GARRE1: variants seen among roughly 807,000 people sequenced by gnomAD.
GARRE1 encodes the protein granule associated Rac and RHOG effector protein 1.
In GARRE1, 49 loss-of-function variants were observed where a neutral mutation model predicts 103.2. The ratio of observed to expected loss-of-function variants is 0.47; its 90% CI spans 0.38 to 0.60. The LOEUF (loss-of-function observed/expected upper bound fraction) is 0.60, where lower values mean the gene tolerates loss of function less well. GARRE1 is among the 20% of genes least tolerant of loss of function. GARRE1 has a pLI of 0.00. For missense variants in GARRE1, 1,199 were observed against 1,370.5 expected (o/e 0.87, Z 1.98); for synonymous variants, 505 against 532.8 (o/e 0.95, Z 0.72).
chr19:34,342,542 C>G, intron 10 of GARRE1, 87 bp downstream of exon 10: 1 of 1,220,036 alleles, frequency 8.2e-7, no homozygotes, highest in Non-Finnish European at 1.2e-6. Flanking sequence ...TGCAGCCTTA[C>G]TTGTGAAGGT....
At chr19:34,284,234 C>G (rs1037738207) in intron 1 of GARRE1, among the ~76,000 whole-genome samples, 1 of 150,310 alleles carries the variant, frequency 6.7e-6, no homozygotes, top group South Asian at 2.1e-4. Context: ...AAGCGATTCT[C>G]CTGCCTCAGC....
chr19:34,289,026 C>T (rs2145229412), intron 1 of GARRE1, among the ~76,000 whole-genome samples: 1 of 151,878 alleles, frequency 6.6e-6, no homozygotes, highest in Admixed American at 6.6e-5. Context: ...CCCAGCTACT[C>T]AGGAGGCTGA....
In GARRE1 at chr19:34,301,493, G is replaced by A. The variant is rs1422728097; in HGVS notation, c.495+525G>A. ...TGCACTGCTGTACTCCAGCCTGGACGGCAGAGTGAGACCATGTCTCAAAAA... is the reference window on the plus strand; with the variant it reads ...TGCACTGCTGTACTCCAGCCTGGACAGCAGAGTGAGACCATGTCTCAAAAA... On this transcript the variant is annotated intron_variant, in intron 2 of 13. Transcript: ENST00000299505. Among the ~76,000 whole-genome samples the A allele has an allele frequency of 7.0e-5, 9 of 128,906 alleles. No individual in the cohort carries two copies. In the Admixed American group the frequency reaches 8.1e-4, roughly 12 times the overall value. 84.6% of individuals were successfully genotyped at this position (128,906 alleles called of 152,430 possible).
intron 8 of GARRE1, among the ~76,000 whole-genome samples, chr19:34,334,891 T>C (rs958782197): frequency 5.9e-5 from 9 of 151,808 alleles, no homozygotes; most frequent in Non-Finnish European, 1.2e-4. Context: ...CTGTCTCTAC[T>C]AAAAGTACAA....
rs537008497 is a variant in GARRE1 at position 34,276,863 on chromosome 19, T to TGG, written c.-796+22249_-796+22250insGG. ...TGAGAATCCAGCTGTGAACAAGCCA[T>TGG]TGCTGTCTTTAGGAGCTTATGTGCC... On this transcript the variant is annotated intron_variant, in intron 1 of 13. Transcript: ENST00000299505. Among the ~76,000 whole-genome samples, 1,009 of 152,330 alleles carry TGG rather than the reference T, an allele frequency of 6.6e-3. 13 individuals are homozygous for TGG. Among genetic ancestry groups the TGG allele is most frequent in the African/African-American group, 0.023 (966 of 41,576 alleles).
chr19:34,299,550 G>A (rs1361089332), intron 1 of GARRE1, 129 bp from the exon 2 acceptor site: 1 of 152,192 alleles, frequency 6.6e-6, no homozygotes, highest in Non-Finnish European at 1.5e-5. Flanking sequence ...TATTGTACCT[G>A]CTCCTCTAAG....
intron 1 of GARRE1, among the ~76,000 whole-genome samples, chr19:34,280,350 C>CT (rs1436417450): frequency 6.6e-6 from 1 of 152,202 alleles, no homozygotes; most frequent in Admixed American, 6.5e-5. Context: ...TTTTCATGTG[C>CT]TTATTAGCTG....
chr19:34,339,075 G>C (rs2074173893), intron 8 of GARRE1, among the ~76,000 whole-genome samples: 1 of 152,210 alleles, frequency 6.6e-6, no homozygotes, highest in Admixed American at 6.5e-5. Flanking sequence ...GAGGGAACTA[G>C]AGAGGGTGTG....
intron 2 of GARRE1, among the ~76,000 whole-genome samples, chr19:34,301,684 ATTT>A (rs766284048): frequency 7.1e-6 from 1 of 140,178 alleles, no homozygotes. Context: ...TTATTTGTGG[ATTT>A]TTTTTTTTTT....
intron 3 of GARRE1, among the ~76,000 whole-genome samples, chr19:34,322,316 C>T (rs373290748): frequency 4.5e-4 from 69 of 151,926 alleles, no homozygotes; most frequent in East Asian, 3.5e-3. Flanking sequence ...GGATTACAGG[C>T]GCGCACCACG....
intron 10 of GARRE1, 76 bp downstream of exon 10, chr19:34,342,531 C>A: frequency 1.5e-6 from 2 of 1,311,952 alleles, no homozygotes; most frequent in Non-Finnish European, 2.1e-6. Flanking sequence ...GGCCTGTCTG[C>A]TGCAGCCTTA....
At chr19:34,349,730 A>AG (rs2074227780) in intron 12 of GARRE1, among the ~76,000 whole-genome samples, 1 of 152,202 alleles carries the variant, frequency 6.6e-6, no homozygotes. Flanking sequence ...GAGGGCACGC[A>AG]GGGCTCCCAG....
In GARRE1 at chr19:34,347,140, G is replaced by A. The variant is rs1036404026; in HGVS notation, c.2522-737G>A. Reference sequence around the variant, plus strand: ...GTCTCACTCTTTCGCCCAGACTGGAGTGCAGTGGCACGATCTCAGCTCACT... The same window carrying A: ...GTCTCACTCTTTCGCCCAGACTGGAATGCAGTGGCACGATCTCAGCTCACT... On this transcript the variant is annotated intron_variant, in intron 10 of 13. Transcript: ENST00000299505. Among the ~76,000 whole-genome samples the A allele has an allele frequency of 2.7e-5, 4 of 150,806 alleles. No individual in the cohort carries two copies. The East Asian group carries it at 7.8e-4, about 29-fold the overall frequency.
intron 1 of GARRE1, among the ~76,000 whole-genome samples, chr19:34,287,108 C>T (rs1177347506): frequency 6.8e-6 from 1 of 147,174 alleles, no homozygotes; most frequent in Non-Finnish European, 1.5e-5. Flanking sequence ...CACTGCACTC[C>T]AGCCTGGGAG....
At chr19:34,299,104 G>C (rs747072544) in intron 1 of GARRE1, among the ~76,000 whole-genome samples, 4 of 152,182 alleles carry the variant, frequency 2.6e-5, no homozygotes, top group Non-Finnish European at 4.4e-5. Context: ...CTTGGTATCC[G>C]ACTGTCCCGT....
At chr19:34,290,875 T>C (rs966349871) in intron 1 of GARRE1, among the ~76,000 whole-genome samples, 437 of 5,278 alleles carry the variant, frequency 0.083, 2 homozygotes, top group African/African-American at 0.17. Context: ...AGCATATTGC[T>C]TTTTTTTTTT....
intron 4 of GARRE1, 83 bp from the exon 5 acceptor site, chr19:34,327,688 A>ATT (rs2074118190): frequency 6.7e-7 from 1 of 1,489,724 alleles, no homozygotes; most frequent in Non-Finnish European, 9.3e-7. Flanking sequence ...AGCTATAGAA[A>ATT]TTTAAGATTT....
chr19:34,268,679 G>A (rs962772354), intron 1 of GARRE1, among the ~76,000 whole-genome samples: 5 of 151,616 alleles, frequency 3.3e-5, no homozygotes, highest in Admixed American at 6.6e-5. Context: ...ATGAAATTGA[G>A]GCCAGGTATA....
intron 8 of GARRE1, among the ~76,000 whole-genome samples, chr19:34,338,400 G>A (rs1047325420): frequency 2.6e-5 from 4 of 152,144 alleles, no homozygotes; most frequent in African/African-American, 4.8e-5. Context: ...AGCCAGGTGC[G>A]GTGGCACACG....
Sources: allele counts gnomAD v4.1 joint callset (sites outside exome capture counted in the v4.1 genomes callset), GRCh38; gene constraint gnomAD v4.1.1; transcripts MANE v1.5; gene names NCBI Gene and HGNC (gene_info 2026-07-23, HGNC 2026-07-21).